GAS7: variants seen among roughly 807,000 people sequenced by gnomAD.
GAS7 encodes the protein growth arrest-specific protein 7.
A neutral mutation model predicts 71.1 loss-of-function variants in GAS7; 28 were observed. That is an observed-to-expected ratio of 0.39 (90% CI 0.29 to 0.54). The LOEUF (loss-of-function observed/expected upper bound fraction) is 0.54, where lower values mean the gene tolerates loss of function less well. Among genes scored for constraint, GAS7 ranks in the 20% least tolerant of loss-of-function variants. GAS7 has a pLI of 0.62. For missense variants in GAS7, 436 were observed against 627.8 expected (o/e 0.69, Z 3.27); for synonymous variants, 258 against 245.8 (o/e 1.05, Z -0.46).
chr17:9,999,915 C>T lies in GAS7; in HGVS notation c.305-18031G>A, dbSNP rs370612973. On this transcript the variant is annotated intron_variant, in intron 2 of 13. Transcript: ENST00000432992. ...AATTGCAGGAGGTTTAAAAACCTCC[C>T]TGCAAAGAGGACTGAAAACTTCATC... 4.9e-4 allele frequency among the ~76,000 whole-genome samples: 74 copies of T among 152,282 alleles called. 1 individual carries two copies. The East Asian group carries it at 0.011, about 22-fold the overall frequency.
chr17:9,984,622 T>C (rs2070564621), intron 2 of GAS7, among the ~76,000 whole-genome samples: 1 of 152,190 alleles, frequency 6.6e-6, no homozygotes, highest in South Asian at 2.1e-4. Context: ...GCCCACGTCA[T>C]AAGCCATTCA....
chr17:9,964,420 C>A (rs1567830148), intron 4 of GAS7, among the ~76,000 whole-genome samples: 1 of 152,164 alleles, frequency 6.6e-6, no homozygotes, highest in Non-Finnish European at 1.5e-5. Flanking sequence ...CTCCTCGTGG[C>A]AGGCCTGCGC....
intron 2 of GAS7, among the ~76,000 whole-genome samples, chr17:10,007,624 T>TC (rs2071590835): frequency 2.0e-5 from 1 of 50,270 alleles, no homozygotes; most frequent in African/African-American, 1.3e-4. Flanking sequence ...AGATTCTGTC[T>TC]CAAAAAAAAA....
intron 1 of GAS7, among the ~76,000 whole-genome samples, chr17:10,196,829 C>CTT (rs953823410): frequency 1.3e-5 from 2 of 152,300 alleles, no homozygotes; most frequent in African/African-American, 4.8e-5. Flanking sequence ...AGAAGCAATA[C>CTT]GTTCGCTTTC....
chr17:9,958,805 C>T, intron 5 of GAS7: 1 of 200,134 alleles, frequency 5.0e-6, no homozygotes, highest in Non-Finnish European at 9.8e-6. Context: ...TTGCTTTTTA[C>T]TTTGACATCT....
chr17:10,164,039 A>G (rs1365241648), intron 1 of GAS7, among the ~76,000 whole-genome samples: 1 of 152,038 alleles, frequency 6.6e-6, no homozygotes, highest in African/African-American at 2.4e-5. Context: ...CTCACCTTTG[A>G]CTGCCCCTTA....
chr17:10,072,693 A>G (rs950977862), intron 1 of GAS7, among the ~76,000 whole-genome samples: 2 of 152,110 alleles, frequency 1.3e-5, no homozygotes, highest in African/African-American at 2.4e-5. Flanking sequence ...CCCGATCCAC[A>G]GGAGTCAATA....
In GAS7 at chr17:9,947,837, A is replaced by C. The variant is rs558330391; in HGVS notation, c.526-854T>G. Reference sequence around the variant, plus strand: ...TGGTTAGGTGAAGGTTAAAAACAAAAAAAAAAAAAAAGCAAGCAGAGTATT... The same window carrying C: ...TGGTTAGGTGAAGGTTAAAAACAAACAAAAAAAAAAAGCAAGCAGAGTATT... On this transcript the variant is annotated intron_variant, in intron 5 of 13. Transcript: ENST00000432992. Among the ~76,000 whole-genome samples, 474 of 93,972 alleles carry C rather than the reference A, an allele frequency of 5.0e-3. 5 individuals carry two copies. Among genetic ancestry groups the C allele is most frequent in the East Asian group, 0.035 (154 of 4,434 alleles). 61.6% of individuals were successfully genotyped at this position (93,972 alleles called of 152,430 possible).
At position 10,026,330 on chromosome 17, in the gene GAS7, C is replaced by A; in HGVS notation, c.184-6433G>T. On this transcript the variant is annotated intron_variant, in intron 1 of 13. Transcript: ENST00000432992. The surrounding 1 kb of genome is among the most constrained non-coding windows in gnomAD (Gnocchi z 4.5). ...ATATCCACAGGGCCCCACACCCCCA[C>A]TCCCCCCACACCCAGATCTATATAT... 1.0e-6 allele frequency: 1 copy of A among 978,530 alleles called. No individual in the cohort carries two copies. The highest frequency in any genetic ancestry group is 1.2e-6 in the Non-Finnish European group (1 of 823,664). The allele number at this position is 978,530 out of a possible 1,614,324, so 60.6% of individuals were successfully genotyped here.
chr17:10,102,904 T>C (rs759542087), intron 1 of GAS7, among the ~76,000 whole-genome samples: 15 of 152,122 alleles, frequency 9.9e-5, no homozygotes, highest in Admixed American at 4.6e-4. Context: ...GGCGAGTAAT[T>C]AGGCATATCC....
At chr17:10,162,471 G>A (rs964701872) in intron 1 of GAS7, among the ~76,000 whole-genome samples, 10 of 152,166 alleles carry the variant, frequency 6.6e-5, no homozygotes, top group Non-Finnish European at 1.5e-4. Flanking sequence ...GCACTCTGGG[G>A]GAGCTTGTAT....
At chr17:10,047,638 C>T (rs139512039) in intron 1 of GAS7, among the ~76,000 whole-genome samples, 1 of 152,046 alleles carries the variant, frequency 6.6e-6, no homozygotes, top group South Asian at 2.1e-4. Flanking sequence ...ATGTAAGAAG[C>T]TGTGATTTCT....
intron 11 of GAS7, among the ~76,000 whole-genome samples, chr17:9,924,117 C>A (rs549782719): frequency 6.6e-6 from 1 of 152,164 alleles, no homozygotes. Context: ...CTGTGAATAG[C>A]ATTTTATATT....
intron 5 of GAS7, among the ~76,000 whole-genome samples, chr17:9,951,755 T>G (rs1170910460): frequency 1.3e-5 from 1 of 74,434 alleles, no homozygotes; most frequent in Non-Finnish European, 2.3e-5. Flanking sequence ...AGCAAAACTC[T>G]GTCTCAAAAA....
At chr17:10,071,299 T>C (rs767893643) in intron 1 of GAS7, among the ~76,000 whole-genome samples, 18 of 152,124 alleles carry the variant, frequency 1.2e-4, no homozygotes, top group Non-Finnish European at 2.6e-4. Context: ...AAATATCACA[T>C]ACTACTCAGG....
At chr17:10,152,427 A>C (rs925521943) in intron 1 of GAS7, among the ~76,000 whole-genome samples, 5 of 152,196 alleles carry the variant, frequency 3.3e-5, no homozygotes, top group African/African-American at 1.2e-4. Context: ...GTAAAGCATC[A>C]CTTCCCAGTG....
chr17:9,950,811 G>A (rs556315915), intron 5 of GAS7, among the ~76,000 whole-genome samples: 22 of 151,916 alleles, frequency 1.4e-4, no homozygotes, highest in African/African-American at 3.1e-4. Flanking sequence ...AGCCGAGATC[G>A]CGCCATTGCA....
At chr17:10,116,137 C>T (rs2073859142) in intron 1 of GAS7, among the ~76,000 whole-genome samples, 1 of 152,112 alleles carries the variant, frequency 6.6e-6, no homozygotes, top group African/African-American at 2.4e-5. Context: ...ATGGCCAAAC[C>T]CCATCTCTAC....
chr17:10,020,123 C>T (rs1597704804), intron 1 of GAS7: 2 of 474,800 alleles, frequency 4.2e-6, no homozygotes, highest in East Asian at 6.6e-5. Flanking sequence ...CAGAGGACAG[C>T]TCCTCTGGGA....
Sources: allele counts gnomAD v4.1 joint callset (sites outside exome capture counted in the v4.1 genomes callset), GRCh38; gene constraint gnomAD v4.1.1; non-coding constraint Gnocchi (gnomAD v3.1); transcripts MANE v1.5; gene names NCBI Gene and HGNC (gene_info 2026-07-23, HGNC 2026-07-21).